The following ANKRD7 variants were observed in gnomAD, a reference collection of about 807,000 sequenced individuals.
ANKRD7 encodes ankyrin repeat domain-containing protein 7.
ANKRD7 carries 30 observed loss-of-function variants against 30.8 expected under a neutral mutation model. The ratio of observed to expected loss-of-function variants is 0.97; its 90% CI spans 0.73 to 1.32. ANKRD7 has a LOEUF of 1.32. Ranked by LOEUF, ANKRD7 falls within the 40% of genes most tolerant of loss-of-function variation. The probability of loss-of-function intolerance (pLI) is 0.00; values close to 1 mark genes in which losing one functional copy is unlikely to be tolerated. For missense variants in ANKRD7, 264 were observed against 295.7 expected (o/e 0.89, Z 0.79); for synonymous variants, 97 against 106.6 (o/e 0.91, Z 0.55).
In ANKRD7 at chr7:118,234,526, A is replaced by G. The variant is rs750731361; in HGVS notation, c.275A>G (p.Asn92Ser). The G allele has an allele frequency of 6.2e-6, 10 of 1,611,006 alleles. No individual in the cohort carries two copies. The highest frequency in any genetic ancestry group is 1.7e-4 in the Middle Eastern group (1 of 5,972). ...QCKINVRDSE[N>S]KSPLIKAVQC... is the part of the protein sequence containing the mutation. ...AAAATAAATGTCCGGGATAGTGAAA[A>G]CAAATCCCCATTGATTAAGGTATGC... The change falls in exon 2 of 7, where the codon AAC becomes AGC. Residue 92 changes from asparagine to serine, a missense_variant. Physicochemically the swap from Asn to Ser is conservative, Grantham distance 46. Transcript: ENST00000265224.
At chr7:118,227,862 A>C in intron 1 of ANKRD7, 1 of 1,333,140 alleles carries the variant, frequency 7.5e-7, no homozygotes, top group South Asian at 1.2e-5. Flanking sequence ...AAAACTATAC[A>C]GTTAGGAAAA....
rs373017358 is a variant in ANKRD7 at position 118,237,163 on chromosome 7, G to A, written c.712+237G>A. 2.8e-4 allele frequency among the ~76,000 whole-genome samples: 42 copies of A among 152,166 alleles called. No individual in the cohort carries two copies. In the South Asian group the frequency reaches 7.5e-3, roughly 27 times the overall value. On this transcript the variant is annotated intron_variant, in intron 5 of 6. Coordinates refer to ENST00000265224, the MANE Select transcript of ANKRD7 (RefSeq NM_019644.4). ...GAGCATTGGAAGTGTGCCAGGGTAG[G>A]GATTTAGACACTTGTAACATAGCCA...
At chr7:118,231,637 G>T (rs1230920465) in intron 1 of ANKRD7, among the ~76,000 whole-genome samples, 1 of 152,086 alleles carries the variant, frequency 6.6e-6, no homozygotes, top group African/African-American at 2.4e-5. Context: ...ACTCTGTCTA[G>T]CAGATAACAC....
chr7:118,237,625 C>T (rs1809751940), intron 5 of ANKRD7, among the ~76,000 whole-genome samples: 1 of 151,726 alleles, frequency 6.6e-6, no homozygotes, highest in South Asian at 2.1e-4. Context: ...TCTTCCACTG[C>T]TTTATTCACA....
intron 6 of ANKRD7, among the ~76,000 whole-genome samples, chr7:118,240,431 C>T (rs557929213): frequency 1.6e-4 from 25 of 151,896 alleles, no homozygotes; most frequent in South Asian, 6.2e-4. Context: ...TTTGTTCTTG[C>T]GATAGTTTAC....
intron 6 of ANKRD7, among the ~76,000 whole-genome samples, chr7:118,240,432 G>A (rs911675759): frequency 6.6e-5 from 10 of 151,854 alleles, no homozygotes; most frequent in Admixed American, 6.6e-5. Flanking sequence ...TTGTTCTTGC[G>A]ATAGTTTACT....
intron 6 of ANKRD7, 24 bp downstream of exon 6, chr7:118,240,022 GT>G (rs201097274): frequency 0.014 from 17,885 of 1,319,842 alleles, 325 homozygotes; most frequent in East Asian, 0.075. Context: ...CTGGATTAGT[GT>G]TTTTTTCTTG....
intron 5 of ANKRD7, 73 bp from the exon 6 acceptor site, chr7:118,239,836 T>C: frequency 9.7e-7 from 1 of 1,027,556 alleles, no homozygotes. Flanking sequence ...TACCTAAGGT[T>C]TTGATTTGAT....
rs138093123 is a variant in ANKRD7, at chr7:118,227,758, A to G, written c.179+2749A>G. 9.6e-4 allele frequency among the ~76,000 whole-genome samples: 146 copies of G among 152,314 alleles called. 2 individuals are homozygous for G. Among genetic ancestry groups the G allele is most frequent in the African/African-American group, 2.6e-3 (107 of 41,560 alleles). ...AGGTGTTTGGCATTAGTAACAGTAA[A>G]TATGTACTATCAGTGGCTGCCTTAA... On this transcript the variant is annotated intron_variant, in intron 1 of 6. Coordinates refer to ENST00000265224, the MANE Select transcript of ANKRD7 (RefSeq NM_019644.4).
At chr7:118,235,104 T>G (rs1809704382) in intron 3 of ANKRD7, among the ~76,000 whole-genome samples, 1 of 152,160 alleles carries the variant, frequency 6.6e-6, no homozygotes, top group South Asian at 2.1e-4. Flanking sequence ...AACACTATAT[T>G]TAACAACTAT....
At chr7:118,229,231 T>C (rs1035339434) in intron 1 of ANKRD7, among the ~76,000 whole-genome samples, 4 of 152,100 alleles carry the variant, frequency 2.6e-5, no homozygotes, top group African/African-American at 4.8e-5. Flanking sequence ...TTAGGTGTTA[T>C]TCAACTGTTA....
At chr7:118,241,130 C>T (rs1028828108) in intron 6 of ANKRD7, among the ~76,000 whole-genome samples, 8 of 128,452 alleles carry the variant, frequency 6.2e-5, no homozygotes, top group East Asian at 2.3e-4. Flanking sequence ...GTCCGCAGTC[C>T]GGCCTGGGCG....
chr7:118,234,801 C>A lies in ANKRD7; in HGVS notation c.395C>A (p.Ala132Asp). The change falls in exon 3 of 7, where the codon GCT becomes GAT. Residue 132 changes from alanine to aspartate, a missense_variant. Coordinates refer to ENST00000265224, the MANE Select transcript of ANKRD7 (RefSeq NM_019644.4). The part of the protein sequence containing the change: ...DIRYNTVLHY[A>D]VCGQSLSLVE... The stretch of plus-strand genomic sequence containing the variant: ...CGTTATAATACTGTTCTTCACTATG[C>A]TGTTTGTGGTCAAAGTTTGTCATTA... 6.2e-7 allele frequency: 1 copy of A among 1,612,772 alleles called. No homozygotes were observed. Among genetic ancestry groups the A allele is most frequent in the Non-Finnish European group, 8.5e-7 (1 of 1,179,658 alleles).
rs183685556 is a variant in ANKRD7, at chr7:118,237,861, A to C, written c.712+935A>C. On this transcript the variant is annotated intron_variant, in intron 5 of 6. Coordinates refer to ENST00000265224, the MANE Select transcript of ANKRD7 (RefSeq NM_019644.4). ...ACTTTGGTTTAAGCAGACCATATGCATAAAATCTTAATGAAATAAACATGT... is the reference window on the plus strand; with the variant it reads ...ACTTTGGTTTAAGCAGACCATATGCCTAAAATCTTAATGAAATAAACATGT... 5.0e-3 allele frequency among the ~76,000 whole-genome samples: 764 copies of C among 152,256 alleles called. 5 individuals are homozygous for C. The highest frequency in any genetic ancestry group is 0.017 in the African/African-American group (704 of 41,580).
At chr7:118,236,305 C>T (rs1223158647) in intron 4 of ANKRD7, among the ~76,000 whole-genome samples, 158 bp downstream of exon 4, 2 of 151,944 alleles carry the variant, frequency 1.3e-5, no homozygotes, top group African/African-American at 2.4e-5. Context: ...GATGTATGCT[C>T]ACATGCTTTT....
At chr7:118,239,752 T>C in intron 5 of ANKRD7, 157 bp from the exon 6 acceptor site, 1 of 381,120 alleles carries the variant, frequency 2.6e-6, no homozygotes, top group Non-Finnish European at 4.7e-6. Context: ...ATAAAAGTGG[T>C]GTCTGTTGAC....
intron 1 of ANKRD7, among the ~76,000 whole-genome samples, chr7:118,229,482 C>T (rs541425824): frequency 2.0e-5 from 3 of 151,892 alleles, no homozygotes; most frequent in Admixed American, 1.3e-4. Flanking sequence ...CCCTGCCTAG[C>T]CATAGTGAGC....
chr7:118,233,363 C>T (rs1224191031), intron 1 of ANKRD7, among the ~76,000 whole-genome samples: 3 of 151,962 alleles, frequency 2.0e-5, no homozygotes, highest in Non-Finnish European at 4.4e-5. Context: ...TAAAATTTGG[C>T]TTTTTATATT....
At position 118,236,808 on chromosome 7, in the gene ANKRD7, T is replaced by G; in HGVS notation, c.594T>G (p.Ala198=). 6.2e-7 allele frequency: 1 copy of G among 1,613,938 alleles called. No homozygotes were observed. The highest frequency in any genetic ancestry group is 8.5e-7 in the Non-Finnish European group (1 of 1,179,850). Residue 198 remains alanine (A), a synonymous_variant, in exon 5 of 7, where the codon GCT becomes GCG. Transcript: ENST00000265224. ...DNYQRTALIL[A]VSGEPPCLVK... ...GCTCCAGAACAGCCCTTATTCTTGC[T>G]GTCAGTGGTGAACCACCATGTTTAG... is the stretch of plus-strand genomic sequence containing the variant.
Sources: gnomAD v4.1 joint callset for allele counts (sites outside exome capture counted in the v4.1 genomes callset) on GRCh38, gnomAD v4.1.1 for gene constraint, MANE v1.5 for transcripts, NCBI Gene and HGNC (gene_info 2026-07-23, HGNC 2026-07-21) for gene names.